PTPRD: variants seen among roughly 807,000 people sequenced by gnomAD.
PTPRD encodes receptor-type tyrosine-protein phosphatase delta.
In PTPRD, 34 loss-of-function variants were observed where a neutral mutation model predicts 214.5. That is an observed-to-expected ratio of 0.16 (90% CI 0.12 to 0.21). PTPRD has a LOEUF of 0.21. PTPRD is among the 10% of genes least tolerant of loss of function. The probability of loss-of-function intolerance (pLI) is 1.00; values close to 1 mark genes in which losing one functional copy is unlikely to be tolerated. For missense variants in PTPRD, 2,545 were observed against 2,398.7 expected (o/e 1.06, Z -1.27); for synonymous variants, 1,128 against 845.7 (o/e 1.33, Z -5.79).
chr9:8,627,846 A>G (rs1451122529), intron 14 of PTPRD, among the ~76,000 whole-genome samples: 3 of 151,866 alleles, frequency 2.0e-5, no homozygotes, highest in African/African-American at 7.2e-5. Flanking sequence ...TTTAAATTCT[A>G]AAGATTACAC....
intron 8 of PTPRD, among the ~76,000 whole-genome samples, chr9:9,405,772 A>T (rs898979798): frequency 5.9e-5 from 9 of 152,022 alleles, no homozygotes; most frequent in Admixed American, 4.6e-4. Context: ...ATTTTCCCCC[A>T]TTATCATCAT....
intron 3 of PTPRD, among the ~76,000 whole-genome samples, chr9:10,187,027 G>C (rs1379045926): frequency 1.3e-5 from 2 of 151,996 alleles, no homozygotes; most frequent in Non-Finnish European, 2.9e-5. Context: ...GGAGAGAAAA[G>C]GTATTTTGCT....
intron 9 of PTPRD, among the ~76,000 whole-genome samples, chr9:9,290,343 T>G (rs12350625): frequency 0.18 from 28,001 of 151,634 alleles, 2,892 homozygotes; most frequent in East Asian, 0.38. Flanking sequence ...GAGTTTCTTA[T>G]ATTTAGATAT....
chr9:8,774,120 T>C (rs1348896930), intron 11 of PTPRD, among the ~76,000 whole-genome samples: 1 of 152,222 alleles, frequency 6.6e-6, no homozygotes, highest in South Asian at 2.1e-4. Flanking sequence ...TCCTCAGATA[T>C]GTTTCCTCAT....
At chr9:8,584,772 A>C (rs1195608554) in intron 14 of PTPRD, among the ~76,000 whole-genome samples, 1 of 152,196 alleles carries the variant, frequency 6.6e-6, no homozygotes, top group Admixed American at 6.5e-5. Flanking sequence ...AGAATGGGTA[A>C]TTTATAAAGG....
chr9:9,631,425 T>A (rs2095591066), intron 7 of PTPRD, among the ~76,000 whole-genome samples: 1 of 152,160 alleles, frequency 6.6e-6, no homozygotes, highest in Admixed American at 6.6e-5. Context: ...TTCTTTCAAA[T>A]GTTAAATTTG....
intron 35 of PTPRD, among the ~76,000 whole-genome samples, chr9:8,422,147 C>CAAAAAAA (rs768623202): frequency 8.8e-5 from 3 of 33,976 alleles, no homozygotes; most frequent in African/African-American, 9.7e-5. Flanking sequence ...ACCCTGTCTC[C>CAAAAAAA]AAAAAAAAAA....
chr9:9,310,525 G>C (rs532829598), intron 9 of PTPRD, among the ~76,000 whole-genome samples: 1 of 152,136 alleles, frequency 6.6e-6, no homozygotes, highest in Non-Finnish European at 1.5e-5. Context: ...TGACAATCAT[G>C]TCTTTAGCTG....
chr9:9,867,425 C>T (rs1300419859), intron 5 of PTPRD, among the ~76,000 whole-genome samples: 1 of 151,984 alleles, frequency 6.6e-6, no homozygotes, highest in Non-Finnish European at 1.5e-5. Context: ...ACCTATCTTC[C>T]AAACAGATTC....
intron 5 of PTPRD, among the ~76,000 whole-genome samples, chr9:9,782,372 T>TCTA: frequency 6.6e-6 from 1 of 152,312 alleles, no homozygotes; most frequent in East Asian, 1.9e-4. Context: ...CTAATCACAA[T>TCTA]GTCTATTGCT....
chr9:8,444,904 G>A (rs2095666713), intron 34 of PTPRD, among the ~76,000 whole-genome samples: 1 of 152,112 alleles, frequency 6.6e-6, no homozygotes, highest in African/African-American at 2.4e-5. Context: ...CCATCCTAGT[G>A]CGCACCCAGT....
rs189767498 is a variant in PTPRD at position 10,194,707 on chromosome 9, A to G, written c.-545+146256T>C. Among the ~76,000 whole-genome samples the G allele has an allele frequency of 3.3e-3, 506 of 152,128 alleles. 6 individuals carry two copies. Among genetic ancestry groups the G allele is most frequent in the African/African-American group, 0.012 (481 of 41,506 alleles). Reference sequence around the variant, plus strand: ...CATACATTGGTTACAATGTTCAAAGAACGTGAACATTAAAGAGAATATGAA... The same window carrying G: ...CATACATTGGTTACAATGTTCAAAGGACGTGAACATTAAAGAGAATATGAA... On this transcript the variant is annotated intron_variant, in intron 3 of 45. Coordinates refer to ENST00000381196, the MANE Select transcript of PTPRD (RefSeq NM_002839.4).
At chr9:10,470,979 T>A (rs540421060) in intron 2 of PTPRD, among the ~76,000 whole-genome samples, 1 of 152,070 alleles carries the variant, frequency 6.6e-6, no homozygotes, top group Non-Finnish European at 1.5e-5. Flanking sequence ...ATAAAAACAA[T>A]GAGTTCACGT....
chr9:10,280,304 A>G (rs966623143), intron 3 of PTPRD, among the ~76,000 whole-genome samples: 1 of 151,958 alleles, frequency 6.6e-6, no homozygotes, highest in Non-Finnish European at 1.5e-5. Context: ...TCAGAAACAC[A>G]GTTGACAGGA....
In PTPRD at chr9:8,595,439, G is replaced by GA. The variant is rs897758407; in HGVS notation, c.352+37877dup. ...TACAGGGGCATTCAGTGCTTAGAGG[G>GA]AAAAAAATTAGTACTGCTTTTATCT... On this transcript the variant is annotated intron_variant, in intron 14 of 45. Coordinates refer to ENST00000381196, the MANE Select transcript of PTPRD (RefSeq NM_002839.4). Among the ~76,000 whole-genome samples, 3 of 152,134 alleles carry GA rather than the reference G, an allele frequency of 2.0e-5. No homozygotes were observed. The South Asian group carries it at 6.2e-4, about 32-fold the overall frequency.
At chr9:9,181,879 C>A (rs1396994408) in intron 10 of PTPRD, among the ~76,000 whole-genome samples, 1 of 151,950 alleles carries the variant, frequency 6.6e-6, no homozygotes, top group Non-Finnish European at 1.5e-5. Flanking sequence ...GAAATAAGTA[C>A]TTTGGACTCC....
chr9:10,116,104 G>T (rs1254602820), intron 3 of PTPRD, among the ~76,000 whole-genome samples: 1 of 152,012 alleles, frequency 6.6e-6, no homozygotes, highest in Non-Finnish European at 1.5e-5. Flanking sequence ...CGGGAGTAAA[G>T]TTCAACATAA....
At chr9:10,542,906 T>C (rs2059428779) in intron 2 of PTPRD, among the ~76,000 whole-genome samples, 1 of 152,006 alleles carries the variant, frequency 6.6e-6, no homozygotes. Flanking sequence ...TTATTTTATT[T>C]GTTTATTTAT....
At chr9:8,697,168 T>A (rs2097930619) in intron 12 of PTPRD, among the ~76,000 whole-genome samples, 2 of 152,232 alleles carry the variant, frequency 1.3e-5, no homozygotes, top group South Asian at 4.1e-4. Flanking sequence ...AGTAGTTGAT[T>A]GGAAATAAAA....
Sources: gnomAD v4.1 joint callset for allele counts (sites outside exome capture counted in the v4.1 genomes callset) on GRCh38, gnomAD v4.1.1 for gene constraint, MANE v1.5 for transcripts, NCBI Gene and HGNC (gene_info 2026-07-23, HGNC 2026-07-21) for gene names.